MAPKBP1: variants seen among roughly 807,000 people sequenced by gnomAD.
MAPKBP1 encodes mitogen-activated protein kinase binding protein 1, also known as mitogen-activated protein kinase-binding protein 1.
A neutral mutation model predicts 170.5 loss-of-function variants in MAPKBP1; 71 were observed. That is an observed-to-expected ratio of 0.42 (90% CI 0.34 to 0.51). The LOEUF (loss-of-function observed/expected upper bound fraction) is 0.51. Among genes scored for constraint, MAPKBP1 ranks in the 20% least tolerant of loss-of-function variants. The pLI is 0.06. For missense variants in MAPKBP1, 1,598 were observed against 1,933.0 expected, an observed-to-expected ratio of 0.83 and a Z score of 3.25; for synonymous variants, 719 against 757.9, an observed-to-expected ratio of 0.95 and a Z score of 0.84.
chr15:41,795,321 A>G (rs937626475), intron 2 of MAPKBP1, among the ~76,000 whole-genome samples: 7 of 152,194 alleles, frequency 4.6e-5, no homozygotes, highest in African/African-American at 1.7e-4. Flanking sequence ...AGCTGAGAGA[A>G]GAACTTTTTA....
chr15:41,796,464 C>T (rs1478583422), intron 2 of MAPKBP1, among the ~76,000 whole-genome samples: 1 of 152,124 alleles, frequency 6.6e-6, no homozygotes, highest in African/African-American at 2.4e-5. Context: ...CTCTTAGATC[C>T]TTTGAAAGTG....
intron 5 of MAPKBP1, 37 bp downstream of exon 5, chr15:41,811,272 G>C (rs1475347031): frequency 6.2e-7 from 1 of 1,612,658 alleles, no homozygotes; most frequent in South Asian, 1.1e-5. Flanking sequence ...CTGTAAAGAG[G>C]GCAGGTGTCC....
At chr15:41,808,682 G>A (rs2064748938) in intron 3 of MAPKBP1, among the ~76,000 whole-genome samples, 1 of 151,046 alleles carries the variant, frequency 6.6e-6, no homozygotes. Flanking sequence ...TACCATGTTG[G>A]CCAGCCTGAT....
At chr15:41,787,742 G>T (rs2064324393) in intron 2 of MAPKBP1, among the ~76,000 whole-genome samples, 1 of 152,066 alleles carries the variant, frequency 6.6e-6, no homozygotes, top group Admixed American at 6.6e-5. Flanking sequence ...TAAAGTCAGG[G>T]ATAAGAGTGT....
intron 2 of MAPKBP1, among the ~76,000 whole-genome samples, chr15:41,781,402 T>G (rs1191367057): frequency 6.9e-6 from 1 of 145,016 alleles, no homozygotes; most frequent in African/African-American, 2.4e-5. Flanking sequence ...TTTTTTTGTT[T>G]TTTTTTTTTT....
intron 2 of MAPKBP1, among the ~76,000 whole-genome samples, chr15:41,777,172 C>T (rs966504582): frequency 6.6e-5 from 10 of 152,048 alleles, no homozygotes; most frequent in African/African-American, 2.4e-4. Flanking sequence ...GAAACCTCAT[C>T]TCTACTAAAA....
At position 41,817,322 on chromosome 15, in the gene MAPKBP1, G is replaced by A; in HGVS notation, c.1712-66G>A. On this transcript the variant is annotated intron_variant, in intron 14 of 30. Transcript: ENST00000457542. This position sits in a 1 kb window ranked among gnomAD's most constrained non-coding sequence, Gnocchi z 4.2. ...TTGATGGGGGATCTCATGGAGGGAA[G>A]GTGGGAGGCAGGCTGCTCCCATGTG... 1 of 1,494,964 alleles carries A rather than the reference G, an allele frequency of 6.7e-7. No homozygotes were observed. The highest frequency in any genetic ancestry group is 9.3e-7 in the Non-Finnish European group (1 of 1,071,456). The allele number at this position is 1,494,964 out of a possible 1,614,324, so 92.6% of individuals were successfully genotyped here. A position where few individuals can be genotyped will look rare whatever the true frequency, so the allele number is the denominator to read the frequency against.
chr15:41,786,777 A>AAAAATATATATATATATATAT, intron 2 of MAPKBP1, among the ~76,000 whole-genome samples: 40 of 32,392 alleles, frequency 1.2e-3, no homozygotes, highest in African/African-American at 4.2e-3. Context: ...AAAAAAAAAA[A>AAAAATATATATATATATATAT]ATATATATAT....
chr15:41,795,646 G>A (rs1473178743), intron 2 of MAPKBP1, among the ~76,000 whole-genome samples: 1 of 151,738 alleles, frequency 6.6e-6, no homozygotes, highest in Non-Finnish European at 1.5e-5. Context: ...TCGCTCTGTC[G>A]CCCAGGCTGG....
At chr15:41,792,138 C>T (rs550620624) in intron 2 of MAPKBP1, among the ~76,000 whole-genome samples, 7 of 150,256 alleles carry the variant, frequency 4.7e-5, no homozygotes, top group African/African-American at 7.4e-5. Context: ...CTTGCCTCTA[C>T]GCCACCTGTT....
chr15:41,775,944 A>G (rs1177092953), intron 2 of MAPKBP1, among the ~76,000 whole-genome samples: 1 of 152,262 alleles, frequency 6.6e-6, no homozygotes, highest in Admixed American at 6.5e-5. Context: ...GCAAGAAGCC[A>G]GATATCTGTC....
intron 3 of MAPKBP1, among the ~76,000 whole-genome samples, chr15:41,802,013 T>C (rs963112078): frequency 1.3e-5 from 2 of 152,170 alleles, no homozygotes; most frequent in Non-Finnish European, 2.9e-5. Flanking sequence ...TGGTATAGCC[T>C]ACTACATACC....
intron 2 of MAPKBP1, among the ~76,000 whole-genome samples, chr15:41,788,038 A>C (rs1437502658): frequency 1.3e-5 from 2 of 151,318 alleles, no homozygotes; most frequent in East Asian, 4.0e-4. Context: ...GCTCACTGCA[A>C]CCTCCGCCTC....
chr15:41,793,393 A>T (rs1315204487), intron 2 of MAPKBP1, among the ~76,000 whole-genome samples: 3 of 152,220 alleles, frequency 2.0e-5, no homozygotes, highest in Non-Finnish European at 4.4e-5. Context: ...AGGCTGAGGC[A>T]GGAGAATAGT....
chr15:41,782,092 CAAAAAA>C (rs58449893), intron 2 of MAPKBP1, among the ~76,000 whole-genome samples: 1 of 111,208 alleles, frequency 9.0e-6, no homozygotes, highest in African/African-American at 3.5e-5. Flanking sequence ...ACTAAAAATA[CAAAAAA>C]AAAAAAAAAA....
Position 41,818,472 on chromosome 15 carries a change from T to G in MAPKBP1, c.2093-47T>G. On this transcript the variant is annotated intron_variant, in intron 18 of 30. Coordinates refer to ENST00000457542, the MANE Select transcript of MAPKBP1 (RefSeq NM_014994.3). The surrounding 1 kb of genome is among the most constrained non-coding windows in gnomAD (Gnocchi z 5.2). ...CACTGTTGGGATGGAGAGGACTTGGTTGGGAATTTAAGGTGGCTTATAGAC... is the reference window on the plus strand; with the variant it reads ...CACTGTTGGGATGGAGAGGACTTGGGTGGGAATTTAAGGTGGCTTATAGAC... The G allele has an allele frequency of 6.3e-7, 1 of 1,580,760 alleles. No homozygotes were observed. Among genetic ancestry groups the G allele is most frequent in the Non-Finnish European group, 8.7e-7 (1 of 1,155,246 alleles).
chr15:41,786,493 G>A (rs2064290032), intron 2 of MAPKBP1, among the ~76,000 whole-genome samples: 1 of 151,826 alleles, frequency 6.6e-6, no homozygotes, highest in Non-Finnish European at 1.5e-5. Context: ...AGCCGGGCGT[G>A]GTGGCTCACA....
rs543081443 is a variant in MAPKBP1 at position 41,809,562 on chromosome 15, CCT to C, written c.207-1318_207-1317del. On this transcript the variant is annotated intron_variant, in intron 3 of 30. Coordinates refer to ENST00000457542, the MANE Select transcript of MAPKBP1 (RefSeq NM_014994.3). Reference sequence around the variant, plus strand: ...TTAGGTCTGGGGGAAGTAGCTGTCTCCTCTTTCTCTCCTCCCTGCCTTTCCTA... The same window carrying C: ...TTAGGTCTGGGGGAAGTAGCTGTCTCCTTTCTCTCCTCCCTGCCTTTCCTA... Among the ~76,000 whole-genome samples the C allele has an allele frequency of 4.5e-4, 68 of 152,350 alleles. No homozygotes were observed. The South Asian group carries it at 0.011, about 24-fold the overall frequency.
Position 41,825,475 on chromosome 15 carries a change from G to A in MAPKBP1, c.*39G>A, listed in dbSNP as rs73408963. ...GTCCCAAGTGAATGAATGCTCCAGC[G>A]ATTCCAAACTGCAGCCCCTCTGCCC... On this transcript the variant is annotated 3_prime_UTR_variant, in exon 31 of 31. Coordinates refer to ENST00000457542, the MANE Select transcript of MAPKBP1 (RefSeq NM_014994.3). 1.3e-3 allele frequency: 2,010 copies of A among 1,518,404 alleles called. 29 individuals are homozygous for A. The African/African-American group carries it at 0.025, about 19-fold the overall frequency. 94.1% of individuals were successfully genotyped at this position (1,518,404 alleles called of 1,614,324 possible). A position where few individuals can be genotyped will look rare whatever the true frequency, so the allele number is the denominator to read the frequency against.
Sources: gnomAD v4.1 joint callset for allele counts (sites outside exome capture counted in the v4.1 genomes callset) on GRCh38, gnomAD v4.1.1 for gene constraint, Gnocchi (gnomAD v3.1) non-coding constraint, MANE v1.5 for transcripts, NCBI Gene and HGNC (gene_info 2026-07-23, HGNC 2026-07-21) for gene names.